The following RUSC2 variants were observed in gnomAD, a reference collection of about 807,000 sequenced individuals.
The protein encoded by RUSC2 is AP-4 complex accessory subunit RUSC2.
In RUSC2, 34 loss-of-function variants were observed where a neutral mutation model predicts 122.2. The observed-to-expected ratio is 0.28, with a 90% CI of 0.21 to 0.37. The LOEUF is 0.37. Among genes scored for constraint, RUSC2 ranks in the 10% least tolerant of loss-of-function variants. RUSC2 has a pLI of 1.00. For synonymous variants in RUSC2, 784 were observed against 790.0 expected (o/e 0.99, Z 0.13); for missense variants, 1,747 against 1,952.4 (o/e 0.89, Z 1.98).
rs542559280 is a variant in RUSC2 at position 35,519,431 on chromosome 9, G to A, written c.-92-26999G>A. Among the ~76,000 whole-genome samples the A allele has an allele frequency of 7.5e-4, 114 of 152,190 alleles. 1 individual carries two copies. Among genetic ancestry groups the A allele is most frequent in the Non-Finnish European group, 7.8e-4 (53 of 68,040 alleles). On this transcript the variant is annotated intron_variant, in intron 1 of 11. Transcript: ENST00000361226. ...TGGAATATGATCTGGGGCCCCAGGAGAAGCACCATCAGTCTAGGAGCATGC... is the reference window on the plus strand; with the variant it reads ...TGGAATATGATCTGGGGCCCCAGGAAAAGCACCATCAGTCTAGGAGCATGC...
chr9:35,532,626 A>G (rs1330249189), intron 1 of RUSC2, among the ~76,000 whole-genome samples: 2 of 152,082 alleles, frequency 1.3e-5, no homozygotes, highest in Non-Finnish European at 2.9e-5. Context: ...TGCACCTGTA[A>G]TCCCAGCTAC....
intron 1 of RUSC2, among the ~76,000 whole-genome samples, chr9:35,500,799 C>T (rs552950294): frequency 5.9e-5 from 9 of 152,298 alleles, no homozygotes; most frequent in African/African-American, 2.2e-4. Flanking sequence ...TAGTTAACTT[C>T]TTAGATAGCA....
At position 35,520,440 on chromosome 9, in the gene RUSC2, A is replaced by G. The variant is rs138706009; in HGVS notation, c.-92-25990A>G. On this transcript the variant is annotated intron_variant, in intron 1 of 11. Coordinates refer to ENST00000361226, the MANE Select transcript of RUSC2 (RefSeq NM_014806.5). ...TTCCAACCTCCTCCACCCTGGCCCC[A>G]CAACTGGCTTCTGTAATTCAATCTA... Among the ~76,000 whole-genome samples, 27 of 152,158 alleles carry G rather than the reference A, an allele frequency of 1.8e-4. No individual in the cohort carries two copies. In the East Asian group the frequency reaches 5.2e-3, roughly 29 times the overall value.
intron 1 of RUSC2, among the ~76,000 whole-genome samples, chr9:35,509,775 ATTGAGC>A (rs1820980656): frequency 6.6e-6 from 1 of 152,176 alleles, no homozygotes; most frequent in Non-Finnish European, 1.5e-5. Flanking sequence ...GTTGTCATTT[ATTGAGC>A]CCTGCCTAAA....
chr9:35,547,908 T>G lies in RUSC2; in HGVS notation c.1387T>G (p.Ser463Ala), dbSNP rs1821795338. The G allele has an allele frequency of 6.2e-7, 1 of 1,614,166 alleles. No individual in the cohort carries two copies. The highest frequency in any genetic ancestry group is 8.5e-7 in the Non-Finnish European group (1 of 1,180,040). ...VQPEEQEAVS[S>A]STQAAAAVGP... ...GCCAGAGGAACAAGAAGCAGTGAGT[T>G]CCTCCACCCAAGCAGCAGCTGCTGT... The change falls in exon 2 of 12, where the codon TCC becomes GCC. Residue 463 changes from serine (S) to alanine (A), a missense_variant. By Grantham distance (99) the Ser-to-Ala change is moderately conservative. Transcript: ENST00000361226. The surrounding 1 kb of genome is among the most constrained non-coding windows in gnomAD (Gnocchi z 4.6).
chr9:35,538,416 C>A (rs116478759), intron 1 of RUSC2, among the ~76,000 whole-genome samples: 2 of 152,178 alleles, frequency 1.3e-5, no homozygotes, highest in Admixed American at 6.5e-5. Context: ...AGAATGGTGA[C>A]TGGTCCCTGC....
intron 1 of RUSC2, among the ~76,000 whole-genome samples, chr9:35,545,451 A>C (rs1587860110): frequency 6.6e-6 from 1 of 152,246 alleles, no homozygotes; most frequent in Admixed American, 6.5e-5. Context: ...AGAGAAGCTC[A>C]GGATGGGTTC....
intron 1 of RUSC2, among the ~76,000 whole-genome samples, chr9:35,513,940 T>TATATATATATATA (rs1587842452): frequency 1.0e-5 from 1 of 97,528 alleles, no homozygotes; most frequent in Admixed American, 1.1e-4. Flanking sequence ...ATATATATAT[T>TATATATATATATA]ACTTTATGTG....
In RUSC2 at chr9:35,546,858, G is replaced by C; in HGVS notation, c.337G>C (p.Gly113Arg). ...GCTGCAGGAGGGTGTGGGTGAGCCA[G>C]GACTTGGTGACCTGTATGATGACAG... ...FLLQEGVGEP[G>R]LGDLYDDSIG... The change falls in exon 2 of 12, where the codon GGA becomes CGA. Residue 113 changes from glycine (G) to arginine (R), a missense_variant. By Grantham distance (125) the Gly-to-Arg change is moderately radical (BLOSUM62 -2). Coordinates refer to ENST00000361226, the MANE Select transcript of RUSC2 (RefSeq NM_014806.5). This position sits in a 1 kb window ranked among gnomAD's most constrained non-coding sequence, Gnocchi z 4.3. 1.2e-6 allele frequency: 2 copies of C among 1,607,888 alleles called. No homozygotes were observed. The highest frequency in any genetic ancestry group is 1.7e-6 in the Non-Finnish European group (2 of 1,177,130).
chr9:35,521,521 C>G (rs1821214677), intron 1 of RUSC2, among the ~76,000 whole-genome samples: 1 of 152,194 alleles, frequency 6.6e-6, no homozygotes. Context: ...TCTCCATTTA[C>G]TGAATTGGAG....
chr9:35,554,783 G>A (rs549090926), intron 2 of RUSC2, among the ~76,000 whole-genome samples: 32 of 151,092 alleles, frequency 2.1e-4, no homozygotes, highest in African/African-American at 7.5e-4. Context: ...AAGGTGAGAT[G>A]CAAGAGTTGA....
Position 35,559,217 on chromosome 9 carries a change from T to A in RUSC2, c.3342-9T>A. The A allele has an allele frequency of 6.2e-7, 1 of 1,611,272 alleles. No individual in the cohort carries two copies. The highest frequency in any genetic ancestry group is 8.5e-7 in the Non-Finnish European group (1 of 1,177,410). On this transcript the variant is annotated splice_polypyrimidine_tract_variant and intron_variant, in intron 8 of 11. Transcript: ENST00000361226. ...CAAGACTCAACTCTCTTCACCTGTC[T>A]CCCTACAGCATCCGGTCCCTGGAGT...
At chr9:35,536,338 G>T (rs909998455) in intron 1 of RUSC2, among the ~76,000 whole-genome samples, 2 of 152,210 alleles carry the variant, frequency 1.3e-5, no homozygotes, top group African/African-American at 4.8e-5. Flanking sequence ...CTGGCTCTGG[G>T]GTAATCAGAG....
At chr9:35,513,481 G>A (rs1821046758) in intron 1 of RUSC2, among the ~76,000 whole-genome samples, 1 of 151,610 alleles carries the variant, frequency 6.6e-6, no homozygotes, top group African/African-American at 2.4e-5. Context: ...GACCTCAAGT[G>A]ATCCACCTGC....
At chr9:35,512,506 T>C (rs999525475) in intron 1 of RUSC2, among the ~76,000 whole-genome samples, 6 of 152,170 alleles carry the variant, frequency 3.9e-5, no homozygotes, top group Non-Finnish European at 2.9e-5. Context: ...CTGTTCTCTT[T>C]GAGGCTGTAA....
At chr9:35,537,469 T>C (rs546321377) in intron 1 of RUSC2, among the ~76,000 whole-genome samples, 51 of 152,204 alleles carry the variant, frequency 3.4e-4, no homozygotes, top group Middle Eastern at 3.2e-3. Flanking sequence ...CCCTCCTTCC[T>C]TCCTTTCCTC....
At chr9:35,498,706 A>G (rs1175279571) in intron 1 of RUSC2, among the ~76,000 whole-genome samples, 2 of 150,898 alleles carry the variant, frequency 1.3e-5, no homozygotes, top group East Asian at 4.0e-4. Flanking sequence ...AAATTCAAAA[A>G]AAAAATTAGC....
intron 1 of RUSC2, among the ~76,000 whole-genome samples, chr9:35,544,669 T>G (rs1285731606): frequency 6.6e-6 from 1 of 152,176 alleles, no homozygotes. Context: ...AAGTCTTTTA[T>G]CAGGTATATG....
At position 35,548,271 on chromosome 9, in the gene RUSC2, G is replaced by T. The variant is rs149821388; in HGVS notation, c.1750G>T (p.Gly584Trp). 9.9e-6 allele frequency: 16 copies of T among 1,613,790 alleles called. No homozygotes were observed. In the African/African-American group the frequency reaches 2.0e-4, roughly 20 times the overall value. Residue 584 changes from glycine (G) to tryptophan (W), a missense_variant, in exon 2 of 12, where the codon GGG becomes TGG. Physicochemically the swap from Gly to Trp is radical, Grantham distance 184. Transcript: ENST00000361226. The surrounding 1 kb of genome is among the most constrained non-coding windows in gnomAD (Gnocchi z 4.5). ...SPIQEAQQDR[G>W]APLDEGTCCS... is the part of the protein sequence containing the mutation. ...CATCCAAGAAGCCCAGCAAGATCGG[G>T]GGGCCCCACTGGATGAGGGCACTTG...
Sources: gnomAD v4.1 joint callset for allele counts (sites outside exome capture counted in the v4.1 genomes callset) on GRCh38, gnomAD v4.1.1 for gene constraint, Gnocchi (gnomAD v3.1) non-coding constraint, MANE v1.5 for transcripts, NCBI Gene and HGNC (gene_info 2026-07-23, HGNC 2026-07-21) for gene names.